ZFHX3: variants seen among roughly 807,000 people sequenced by gnomAD.
ZFHX3 encodes zinc finger homeobox 3, also known as zinc finger homeobox protein 3.
In ZFHX3, 42 loss-of-function variants were observed where a neutral mutation model predicts 279.1. That is an observed-to-expected ratio of 0.15 (90% CI 0.12 to 0.19). ZFHX3 has a LOEUF of 0.19. Among genes scored for constraint, ZFHX3 ranks in the 10% least tolerant of loss-of-function variants. The pLI, the probability that ZFHX3 is intolerant of heterozygous loss-of-function variation, is 1.00. For synonymous variants in ZFHX3, 2,293 were observed against 1,957.8 expected, an observed-to-expected ratio of 1.17 and a Z score of -4.52; for missense variants, 4,981 against 4,754.0, an observed-to-expected ratio of 1.05 and a Z score of -1.40.
At chr16:73,571,752 C>T (rs568835580) in intron 2 of ZFHX3, among the ~76,000 whole-genome samples, 2 of 152,178 alleles carry the variant, frequency 1.3e-5, no homozygotes, top group South Asian at 2.1e-4. Flanking sequence ...AACACTAAGT[C>T]GAAATTCATG....
At chr16:72,965,071 G>GT (rs146702714) in intron 1 of ZFHX3, among the ~76,000 whole-genome samples, 48,123 of 151,966 alleles carry the variant, frequency 0.32, 7,966 homozygotes, top group Non-Finnish European at 0.36. Context: ...TATAGATGGG[G>GT]TTTCACCATG....
chr16:73,119,302 C>G lies in ZFHX3; in HGVS notation c.-897+11666G>C, dbSNP rs150849296. 1.0e-3 allele frequency among the ~76,000 whole-genome samples: 154 copies of G among 152,104 alleles called. 2 individuals carry two copies. In the East Asian group the frequency reaches 0.029, roughly 28 times the overall value. The stretch of plus-strand genomic sequence containing the variant: ...AAACAATTTTTGTAGAGATGGGGCC[C>G]CACTATGTTGTCTAGGCTGGTCTCC... On this transcript the variant is annotated intron_variant, in intron 7 of 17. Transcript: ENST00000641206.
chr16:73,182,371 C>G (rs531003395), intron 5 of ZFHX3, among the ~76,000 whole-genome samples: 3 of 152,094 alleles, frequency 2.0e-5, no homozygotes, highest in African/African-American at 7.2e-5. Flanking sequence ...GCATGAGAAT[C>G]GCTTGAACCT....
chr16:73,578,045 G>A (rs1303965827), intron 2 of ZFHX3, among the ~76,000 whole-genome samples: 1 of 152,164 alleles, frequency 6.6e-6, no homozygotes, highest in Non-Finnish European at 1.5e-5. Flanking sequence ...TGATCACTAC[G>A]ACAAACCAAA....
chr16:72,883,848 G>A (rs1318384775), intron 4 of ZFHX3, among the ~76,000 whole-genome samples: 1 of 152,092 alleles, frequency 6.6e-6, no homozygotes, highest in Non-Finnish European at 1.5e-5. Context: ...AATACTTTAA[G>A]TTCCTATACC....
At chr16:73,390,648 G>T (rs931561976) in intron 3 of ZFHX3, among the ~76,000 whole-genome samples, 16 of 152,082 alleles carry the variant, frequency 1.1e-4, no homozygotes, top group Non-Finnish European at 2.1e-4. Flanking sequence ...GGATACAATC[G>T]GTATTAGTGG....
At position 72,795,619 on chromosome 16, in the gene ZFHX3, CATCCTT is replaced by C. The variant is rs775434114; in HGVS notation, c.7057_7062del (p.Lys2353_Asp2354del). On this transcript the variant is annotated inframe_deletion, in exon 9 of 10. Coordinates refer to ENST00000268489, the MANE Select transcript of ZFHX3 (RefSeq NM_006885.4). ...CTGTCGTCCTGCCCCTCCTCATCCT[CATCCTT>C]GTAACACAGCTTCTTCTGGTGCTTG... 1.4e-5 allele frequency: 23 copies of C among 1,613,618 alleles called. No individual in the cohort carries two copies. The highest frequency in any genetic ancestry group is 1.7e-5 in the Non-Finnish European group (20 of 1,179,866).
chr16:73,071,461 T>G (rs1208476712), intron 8 of ZFHX3, among the ~76,000 whole-genome samples: 2 of 149,942 alleles, frequency 1.3e-5, no homozygotes, highest in Non-Finnish European at 2.9e-5. Flanking sequence ...TTTTCTCTGC[T>G]GCTGCTGCTG....
chr16:72,899,928 T>C (rs2038990147), intron 3 of ZFHX3, among the ~76,000 whole-genome samples: 1 of 152,114 alleles, frequency 6.6e-6, no homozygotes, highest in African/African-American at 2.4e-5. Context: ...ATTTCTCTCC[T>C]TACAACCAAC....
chr16:73,643,411 A>G (rs2052590931), intron 2 of ZFHX3, among the ~76,000 whole-genome samples: 1 of 152,200 alleles, frequency 6.6e-6, no homozygotes, highest in Non-Finnish European at 1.5e-5. Context: ...GTATCCAAAG[A>G]CAACCACCAA....
chr16:73,263,039 T>C (rs550052935), intron 4 of ZFHX3, among the ~76,000 whole-genome samples: 56 of 152,244 alleles, frequency 3.7e-4, no homozygotes, highest in African/African-American at 1.3e-3. Flanking sequence ...CATCCAGCCA[T>C]CCCAGCCACC....
At chr16:73,625,951 G>A (rs1023671236) in intron 2 of ZFHX3, among the ~76,000 whole-genome samples, 3 of 152,134 alleles carry the variant, frequency 2.0e-5, no homozygotes, top group Non-Finnish European at 4.4e-5. Context: ...TCCGCCTCCC[G>A]GGTTCATGCC....
intron 5 of ZFHX3, among the ~76,000 whole-genome samples, chr16:73,172,268 C>G (rs529038889): frequency 3.0e-4 from 46 of 152,364 alleles, no homozygotes; most frequent in Admixed American, 9.8e-4. Flanking sequence ...CTGCCATCCA[C>G]GTGTAATCTG....
At chr16:73,857,159 GTTATCAACTTCAGAGTT>G (rs766546521) in intron 1 of ZFHX3, among the ~76,000 whole-genome samples, 2 of 152,150 alleles carry the variant, frequency 1.3e-5, no homozygotes, top group Non-Finnish European at 2.9e-5. Context: ...CCTAAATGCA[GTTATCAACTTCAGAGTT>G]TTATCTCATA....
intron 1 of ZFHX3, among the ~76,000 whole-genome samples, chr16:73,688,136 C>T (rs1363445269): frequency 6.6e-6 from 1 of 151,820 alleles, no homozygotes; most frequent in Non-Finnish European, 1.5e-5. Context: ...GCAGGTGGAT[C>T]ACCTGAGGTC....
At chr16:73,669,331 G>A (rs576868402) in intron 2 of ZFHX3, among the ~76,000 whole-genome samples, 1 of 152,342 alleles carries the variant, frequency 6.6e-6, no homozygotes, top group East Asian at 1.9e-4. Flanking sequence ...TGGGATTACA[G>A]GCGTGAGCCA....
chr16:73,509,222 C>T (rs1470353731), intron 2 of ZFHX3, among the ~76,000 whole-genome samples: 1 of 152,132 alleles, frequency 6.6e-6, no homozygotes, highest in African/African-American at 2.4e-5. Context: ...TTTTAAAATG[C>T]CCTTTCTCCT....
intron 4 of ZFHX3, among the ~76,000 whole-genome samples, chr16:72,837,577 C>G (rs1488240428): frequency 6.7e-6 from 1 of 150,284 alleles, no homozygotes; most frequent in Non-Finnish European, 1.5e-5. Context: ...CTCCTGGGCT[C>G]AAGCGATCCT....
chr16:73,216,352 A>T (rs902858450), intron 5 of ZFHX3, among the ~76,000 whole-genome samples: 2 of 152,188 alleles, frequency 1.3e-5, no homozygotes, highest in African/African-American at 4.8e-5. Flanking sequence ...TAGTTTAAGC[A>T]TCAGTTTCTC....
Sources: allele counts gnomAD v4.1 joint callset (sites outside exome capture counted in the v4.1 genomes callset), GRCh38; gene constraint gnomAD v4.1.1; transcripts MANE v1.5; gene names NCBI Gene and HGNC (gene_info 2026-07-23, HGNC 2026-07-21).